Variants in ALDH1A2 observed in about 807,000 individuals in gnomAD.
ALDH1A2 encodes the protein retinal dehydrogenase 2.
Under a neutral mutation model 60.3 loss-of-function variants are expected in ALDH1A2, and 27 were observed. The ratio of observed to expected loss-of-function variants is 0.45; its 90% CI spans 0.33 to 0.62. The LOEUF (loss-of-function observed/expected upper bound fraction) is 0.62. ALDH1A2 is among the 20% of genes least tolerant of loss of function. ALDH1A2 has a pLI of 0.02. For synonymous variants in ALDH1A2, 289 were observed against 232.4 expected, an observed-to-expected ratio of 1.24 and a Z score of -2.21; for missense variants, 581 against 643.8, an observed-to-expected ratio of 0.90 and a Z score of 1.06.
intron 7 of ALDH1A2, among the ~76,000 whole-genome samples, chr15:57,968,482 C>G (rs373975088): frequency 6.6e-5 from 10 of 152,322 alleles, no homozygotes; most frequent in African/African-American, 1.7e-4. Flanking sequence ...AGCATTCTGT[C>G]ATTTTTCTGT....
Position 58,013,944 on chromosome 15 carries a change from C to T in ALDH1A2, c.277G>A (p.Val93Met). 6.2e-7 allele frequency: 1 copy of T among 1,614,136 alleles called. No individual in the cohort carries two copies. Among genetic ancestry groups the T allele is most frequent in the South Asian group, 1.1e-5 (1 of 91,072 alleles). Residue 93 changes from valine (V) to methionine (M), a missense_variant, in exon 3 of 13, where the codon GTG (valine) becomes ATG (methionine). This residue lies in a region of ALDH1A2 where 206 missense variants were observed against 174.1 expected (regional missense o/e 1.18). Transcript: ENST00000249750. ...TCTGAAGCATCCATCCTTCTCCACACTGAACCAAGAGAGAAAGCCAGGCGG... is the reference window on the plus strand; with the variant it reads ...TCTGAAGCATCCATCCTTCTCCACATTGAACCAAGAGAGAAAGCCAGGCGG... ...AARLAFSLGS[V>M]WRRMDASERG...
chr15:57,980,389 T>C, intron 7 of ALDH1A2: 1 of 369,544 alleles, frequency 2.7e-6, no homozygotes, highest in Non-Finnish European at 5.4e-6. Context: ...TGGAGAGGTT[T>C]TCCAGCTGGT....
At chr15:58,059,089 A>G (rs1243526975) in intron 1 of ALDH1A2, among the ~76,000 whole-genome samples, 2 of 152,246 alleles carry the variant, frequency 1.3e-5, no homozygotes, top group African/African-American at 4.8e-5. Flanking sequence ...CAATTTAAAC[A>G]TAACTCAATC....
intron 4 of ALDH1A2, among the ~76,000 whole-genome samples, chr15:57,995,350 G>A (rs1371386676): frequency 2.6e-5 from 4 of 151,854 alleles, no homozygotes; most frequent in African/African-American, 9.7e-5. Flanking sequence ...CCCAAATGCA[G>A]TATTGAGGAA....
intron 7 of ALDH1A2, among the ~76,000 whole-genome samples, chr15:57,973,468 A>G (rs1894138260): frequency 6.6e-6 from 1 of 152,222 alleles, no homozygotes; most frequent in Non-Finnish European, 1.5e-5. Context: ...AGCAGAAGCC[A>G]TGTTCTAATC....
intron 1 of ALDH1A2, among the ~76,000 whole-genome samples, chr15:58,064,962 T>C (rs1595702362): frequency 1.3e-5 from 2 of 152,372 alleles, no homozygotes; most frequent in South Asian, 2.1e-4. Flanking sequence ...AAAATTCACA[T>C]GAAACGCTGA....
chr15:57,995,992 G>T (rs1232003965), intron 4 of ALDH1A2, among the ~76,000 whole-genome samples: 1 of 152,004 alleles, frequency 6.6e-6, no homozygotes, highest in East Asian at 1.9e-4. Flanking sequence ...TTTAAATACT[G>T]GGCAAAGTCT....
intron 1 of ALDH1A2, among the ~76,000 whole-genome samples, chr15:58,060,041 G>T (rs1896983859): frequency 6.6e-6 from 1 of 152,138 alleles, no homozygotes; most frequent in Admixed American, 6.5e-5. Context: ...TCCTGCCTCA[G>T]CCTTCCAAGA....
intron 7 of ALDH1A2, among the ~76,000 whole-genome samples, chr15:57,982,469 A>C (rs1366692341): frequency 6.6e-6 from 1 of 152,194 alleles, no homozygotes; most frequent in African/African-American, 2.4e-5. Context: ...TATTCTGTCA[A>C]ACTTTCATTT....
At chr15:58,008,938 C>G (rs1175732161) in intron 4 of ALDH1A2, among the ~76,000 whole-genome samples, 1 of 152,080 alleles carries the variant, frequency 6.6e-6, no homozygotes, top group Admixed American at 6.6e-5. Context: ...TCTGTAATAT[C>G]CTTAGAGTCA....
rs763318081 is a variant in ALDH1A2, at chr15:57,995,154, C to A, written c.494-15G>T. 2 of 1,532,880 alleles carry A rather than the reference C, an allele frequency of 1.3e-6. No homozygotes were observed. The highest frequency in any genetic ancestry group is 5.2e-5 in the East Asian group (2 of 38,436). The allele number at this position is 1,532,880 out of a possible 1,614,324, so 95.0% of individuals were successfully genotyped here. A position where few individuals can be genotyped will look rare whatever the true frequency, so the allele number is the denominator to read the frequency against. On this transcript the variant is annotated splice_polypyrimidine_tract_variant and intron_variant, in intron 4 of 12. Transcript: ENST00000249750. Reference sequence around the variant, plus strand: ...ATAGTCTCCATCTGAAAGAAAAAAGCATGGTCACTCCCAGAAAGTTTAGAT... The same window carrying A: ...ATAGTCTCCATCTGAAAGAAAAAAGAATGGTCACTCCCAGAAAGTTTAGAT...
intron 7 of ALDH1A2, among the ~76,000 whole-genome samples, chr15:57,991,900 CAG>C (rs1354054239): frequency 6.6e-6 from 1 of 152,124 alleles, no homozygotes; most frequent in Non-Finnish European, 1.5e-5. Flanking sequence ...TTACCTGGAT[CAG>C]AGATATTTGA....
At chr15:58,037,496 T>C (rs1327860345) in intron 1 of ALDH1A2, among the ~76,000 whole-genome samples, 3 of 151,722 alleles carry the variant, frequency 2.0e-5, no homozygotes, top group Admixed American at 6.6e-5. Flanking sequence ...CAATGTTGAA[T>C]AACTAGCTTT....
chr15:58,008,240 C>T (rs180952823), intron 4 of ALDH1A2, among the ~76,000 whole-genome samples: 86 of 152,134 alleles, frequency 5.7e-4, no homozygotes, highest in African/African-American at 2.0e-3. Flanking sequence ...TTCAGAAAAA[C>T]TTTTTGGGGA....
At chr15:58,041,723 G>C (rs1896522393) in intron 1 of ALDH1A2, among the ~76,000 whole-genome samples, 1 of 151,872 alleles carries the variant, frequency 6.6e-6, no homozygotes, top group Non-Finnish European at 1.5e-5. Flanking sequence ...TATCACCTTT[G>C]TATAGGAGTC....
intron 7 of ALDH1A2, among the ~76,000 whole-genome samples, chr15:57,968,187 C>G (rs1181822140): frequency 2.6e-5 from 4 of 152,182 alleles, no homozygotes; most frequent in African/African-American, 9.7e-5. Context: ...GCTTTCTCAA[C>G]AAGACAATTA....
chr15:57,960,765 C>T lies in ALDH1A2; in HGVS notation c.1484+5G>A. The T allele has an allele frequency of 3.7e-6, 6 of 1,613,210 alleles. No homozygotes were observed. The highest frequency in any genetic ancestry group is 5.1e-6 in the Non-Finnish European group (6 of 1,179,230). ...TCTGCAGGCATCAGCAACTTTAAGA[C>T]TTACATTTCTCTCCCATTTCCAGAC... On this transcript the variant is annotated splice_donor_5th_base_variant and intron_variant, in intron 12 of 12. Transcript: ENST00000249750.
intron 4 of ALDH1A2, among the ~76,000 whole-genome samples, chr15:58,003,175 C>G (rs1895333771): frequency 6.6e-6 from 1 of 151,856 alleles, no homozygotes; most frequent in Admixed American, 6.6e-5. Flanking sequence ...CCCTGAGGCC[C>G]TTTTCAGCTT....
intron 8 of ALDH1A2, among the ~76,000 whole-genome samples, chr15:57,964,951 G>T (rs541102915): frequency 3.5e-4 from 53 of 151,988 alleles, no homozygotes; most frequent in African/African-American, 1.2e-3. Context: ...ATCTGCTTTT[G>T]GTTTTCTGAT....
Sources: allele counts gnomAD v4.1 joint callset (sites outside exome capture counted in the v4.1 genomes callset), GRCh38; gene constraint gnomAD v4.1.1; regional missense constraint gnomAD v4.1.1; transcripts MANE v1.5; gene names NCBI Gene and HGNC (gene_info 2026-07-23, HGNC 2026-07-21).